The following MNAT1 variants were observed in gnomAD, a reference collection of about 807,000 sequenced individuals.
MNAT1 encodes CDK-activating kinase assembly factor MAT1.
In MNAT1, 43 loss-of-function variants were observed where a neutral mutation model predicts 42.0. That is an observed-to-expected ratio of 1.02 (90% confidence interval 0.80 to 1.32). The LOEUF (loss-of-function observed/expected upper bound fraction) is 1.32, where lower values mean the gene tolerates loss of function less well. Among genes scored for constraint, MNAT1 ranks in the 40% most tolerant of loss-of-function variants. The pLI is 0.00. For synonymous variants in MNAT1, 118 were observed against 120.0 expected (o/e 0.98, Z 0.11); for missense variants, 306 against 350.4 (o/e 0.87, Z 1.01).
In MNAT1 at chr14:60,952,854, A is replaced by T. The variant is rs558122814; in HGVS notation, c.810-15375A>T. On this transcript the variant is annotated intron_variant, in intron 7 of 7. Coordinates refer to ENST00000261245, the MANE Select transcript of MNAT1 (RefSeq NM_002431.4). ...GACAGAATCAAGAATCAGGAAAGAG[A>T]GGAGGTAAACCAAGAAGAAAATTAG... Among the ~76,000 whole-genome samples, 5 of 152,304 alleles carry T rather than the reference A, an allele frequency of 3.3e-5. No individual in the cohort carries two copies. In the South Asian group the frequency reaches 1.0e-3, roughly 32 times the overall value.
At chr14:60,792,621 A>G (rs1311355120) in intron 1 of MNAT1, among the ~76,000 whole-genome samples, 7 of 152,180 alleles carry the variant, frequency 4.6e-5, no homozygotes, top group Admixed American at 4.6e-4. Context: ...TTTTTGACAA[A>G]CTATGAATAT....
intron 1 of MNAT1, among the ~76,000 whole-genome samples, chr14:60,747,236 G>A (rs572675810): frequency 4.7e-4 from 71 of 151,920 alleles, no homozygotes; most frequent in African/African-American, 1.6e-3. Context: ...TGCCCGCCCT[G>A]GCCTCCCAAA....
intron 1 of MNAT1, among the ~76,000 whole-genome samples, chr14:60,762,916 A>G (rs1276241865): frequency 6.6e-6 from 1 of 152,146 alleles, no homozygotes. Flanking sequence ...CTTGTAGCTC[A>G]GTTTGCAGTT....
At chr14:60,935,598 C>A (rs918480868) in intron 7 of MNAT1, among the ~76,000 whole-genome samples, 1 of 151,946 alleles carries the variant, frequency 6.6e-6, no homozygotes, top group African/African-American at 2.4e-5. Flanking sequence ...GTTATGGGCA[C>A]ATAATGTGTT....
chr14:60,912,057 T>A (rs1411675081), intron 7 of MNAT1, among the ~76,000 whole-genome samples: 2 of 151,698 alleles, frequency 1.3e-5, no homozygotes, highest in Non-Finnish European at 3.0e-5. Flanking sequence ...GTTGAATTGA[T>A]CCCTTTACCA....
intron 7 of MNAT1, among the ~76,000 whole-genome samples, chr14:60,909,899 A>G (rs2035308590): frequency 6.6e-6 from 1 of 151,920 alleles, no homozygotes; most frequent in African/African-American, 2.4e-5. Context: ...CATTGAATCT[A>G]TAAATTACCT....
chr14:60,955,310 G>GA (rs757100653), intron 7 of MNAT1, among the ~76,000 whole-genome samples: 1 of 151,966 alleles, frequency 6.6e-6, no homozygotes, highest in Non-Finnish European at 1.5e-5. Context: ...ACATTTAGGA[G>GA]AATTCAGCAA....
chr14:60,747,602 T>C (rs1027727362), intron 1 of MNAT1, among the ~76,000 whole-genome samples: 2 of 152,206 alleles, frequency 1.3e-5, no homozygotes, highest in African/African-American at 2.4e-5. Context: ...TTTGTGGGAC[T>C]GGAAGTTGTT....
intron 3 of MNAT1, chr14:60,799,109 A>G (rs2139331413): frequency 6.2e-6 from 2 of 322,364 alleles, no homozygotes; most frequent in Non-Finnish European, 8.9e-6. Flanking sequence ...GTTACCTGAA[A>G]CTTTTCTCAT....
chr14:60,882,106 A>C (rs1434464453), intron 7 of MNAT1, among the ~76,000 whole-genome samples: 1 of 152,206 alleles, frequency 6.6e-6, no homozygotes, highest in East Asian at 1.9e-4. Flanking sequence ...GGTTGCAGTG[A>C]GCCAAGATTG....
rs1366569907 is a variant in MNAT1 at position 60,907,537 on chromosome 14, G to C, written c.809+27702G>C. Among the ~76,000 whole-genome samples the C allele has an allele frequency of 4.6e-5, 7 of 150,744 alleles. No individual in the cohort carries two copies. In the South Asian group the frequency reaches 1.5e-3, roughly 32 times the overall value. Reference sequence around the variant, plus strand: ...TTGTGGGGACATTTGAAAGTTCCTAGAATCAGGCCTAAGCGGGCAGATCAC... The same window carrying C: ...TTGTGGGGACATTTGAAAGTTCCTACAATCAGGCCTAAGCGGGCAGATCAC... On this transcript the variant is annotated intron_variant, in intron 7 of 7. Transcript: ENST00000261245.
chr14:60,847,598 G>A (rs767811658), intron 6 of MNAT1, among the ~76,000 whole-genome samples: 11 of 151,896 alleles, frequency 7.2e-5, no homozygotes, highest in Non-Finnish European at 1.6e-4. Flanking sequence ...TACGTTTAAT[G>A]TTTGTTTTGT....
At chr14:60,911,349 G>T (rs187041890) in intron 7 of MNAT1, among the ~76,000 whole-genome samples, 3 of 152,000 alleles carry the variant, frequency 2.0e-5, no homozygotes, top group Admixed American at 1.3e-4. Context: ...ACTTAGTTAT[G>T]TCTTGCCTTC....
Position 60,734,871 on chromosome 14 carries a change from T to A in MNAT1, c.9T>A (p.Asp3Glu). 1 of 1,614,048 alleles carries A rather than the reference T, an allele frequency of 6.2e-7. No individual in the cohort carries two copies. The highest frequency in any genetic ancestry group is 8.5e-7 in the Non-Finnish European group (1 of 1,179,986). ...GTAGGAGGGAAACCGCCATGGACGA[T>A]CAGGGTTGCCCTCGGTGTAAGACCA... MD[D>E]QGCPRCKTTK... is the part of the protein sequence containing the mutation. Residue 3 changes from aspartate (D) to glutamate (E), a missense_variant, in exon 1 of 8, where the codon GAT becomes GAA. Physicochemically the swap from Asp to Glu is conservative, Grantham distance 45. This residue lies in a region of MNAT1 where 72 missense variants were observed against 111.0 expected (regional missense o/e 0.65). Coordinates refer to ENST00000261245, the MANE Select transcript of MNAT1 (RefSeq NM_002431.4). This position sits in a 1 kb window ranked among gnomAD's most constrained non-coding sequence, Gnocchi z 4.3.
At chr14:60,779,499 C>A (rs1294512492) in intron 1 of MNAT1, among the ~76,000 whole-genome samples, 1 of 152,086 alleles carries the variant, frequency 6.6e-6, no homozygotes, top group Admixed American at 6.6e-5. Flanking sequence ...CCTTAAGAAG[C>A]TGTTTCCGGC....
chr14:60,768,864 G>A (rs908770332), intron 1 of MNAT1, among the ~76,000 whole-genome samples: 4 of 151,936 alleles, frequency 2.6e-5, no homozygotes, highest in African/African-American at 9.7e-5. Context: ...AACCCTTTTT[G>A]TTTTTCTCCT....
chr14:60,906,426 G>A (rs2035201320), intron 7 of MNAT1, among the ~76,000 whole-genome samples: 1 of 152,168 alleles, frequency 6.6e-6, no homozygotes. Flanking sequence ...TGGTGGCAAG[G>A]GGCAGCGTGA....
At chr14:60,872,328 C>G (rs2034343333) in intron 6 of MNAT1, among the ~76,000 whole-genome samples, 1 of 152,168 alleles carries the variant, frequency 6.6e-6, no homozygotes, top group African/African-American at 2.4e-5. Context: ...CTAGGCCTCA[C>G]CTTCAACATG....
At chr14:60,746,496 CAG>C (rs1896620055) in intron 1 of MNAT1, among the ~76,000 whole-genome samples, 1 of 149,300 alleles carries the variant, frequency 6.7e-6, no homozygotes, top group Non-Finnish European at 1.5e-5. Context: ...GCTTAGGTGA[CAG>C]AGTGAGACTC....
Sources: allele counts gnomAD v4.1 joint callset (sites outside exome capture counted in the v4.1 genomes callset), GRCh38; gene constraint gnomAD v4.1.1; regional missense constraint gnomAD v4.1.1; non-coding constraint Gnocchi (gnomAD v3.1); transcripts MANE v1.5; gene names NCBI Gene and HGNC (gene_info 2026-07-23, HGNC 2026-07-21).